The following TFEC variants were observed in gnomAD, a reference collection of about 807,000 sequenced individuals.
The protein encoded by TFEC is transcription factor EC, also known as class E basic helix-loop-helix protein 34.
A neutral mutation model predicts 41.6 loss-of-function variants in TFEC; 31 were observed. That is an observed-to-expected ratio of 0.74 (90% CI 0.56 to 1.01). The LOEUF (loss-of-function observed/expected upper bound fraction) is 1.01. TFEC is among the 50% of genes least tolerant of loss of function. The probability of loss-of-function intolerance (pLI) is 0.00; values close to 1 mark genes in which losing one functional copy is unlikely to be tolerated. For synonymous variants in TFEC, 143 were observed against 140.6 expected (o/e 1.02, Z -0.12); for missense variants, 402 against 404.1 (o/e 0.99, Z 0.04).
At chr7:116,155,992 T>C (rs1373983992) in intron 1 of TFEC, among the ~76,000 whole-genome samples, 2 of 152,186 alleles carry the variant, frequency 1.3e-5, no homozygotes, top group Non-Finnish European at 2.9e-5. Context: ...CATTAATATA[T>C]TATTTATCTT....
At chr7:116,154,013 G>A (rs1003605834) in intron 1 of TFEC, among the ~76,000 whole-genome samples, 1 of 152,208 alleles carries the variant, frequency 6.6e-6, no homozygotes, top group Non-Finnish European at 1.5e-5. Flanking sequence ...AGATGAAATT[G>A]TAAGGAGAGA....
intron 3 of TFEC, among the ~76,000 whole-genome samples, chr7:116,097,942 CAGAG>C (rs2115915035): frequency 6.6e-6 from 1 of 152,132 alleles, no homozygotes; most frequent in African/African-American, 2.4e-5. Flanking sequence ...GAATGAGAAA[CAGAG>C]TGAGTGAACA....
chr7:116,047,755 G>A (rs1336674232), intron 3 of TFEC, among the ~76,000 whole-genome samples: 5 of 152,148 alleles, frequency 3.3e-5, no homozygotes, highest in Admixed American at 2.0e-4. Flanking sequence ...CCGCCCAGTA[G>A]GGGGAAACTG....
intron 3 of TFEC, among the ~76,000 whole-genome samples, chr7:116,072,688 T>C (rs1459683496): frequency 4.0e-5 from 6 of 151,654 alleles, no homozygotes; most frequent in Non-Finnish European, 8.9e-5. Flanking sequence ...TAAGTTTAAA[T>C]TTTTTAAATA....
chr7:115,942,895 T>C (rs1370034302), intron 6 of TFEC, among the ~76,000 whole-genome samples: 6 of 152,034 alleles, frequency 3.9e-5, no homozygotes, highest in Non-Finnish European at 7.4e-5. Flanking sequence ...TCCAAAGTAA[T>C]TGCTAAATGT....
chr7:116,063,696 A>T (rs1211556986), intron 3 of TFEC, among the ~76,000 whole-genome samples: 1 of 152,204 alleles, frequency 6.6e-6, no homozygotes, highest in Non-Finnish European at 1.5e-5. Context: ...ACAGGTGTAT[A>T]CATATATTAA....
At chr7:116,084,803 T>C (rs1260722258) in intron 3 of TFEC, among the ~76,000 whole-genome samples, 1 of 151,906 alleles carries the variant, frequency 6.6e-6, no homozygotes, top group Non-Finnish European at 1.5e-5. Context: ...CAGTAATTGT[T>C]TGAAGGCATC....
chr7:116,133,537 G>GA (rs770772031), intron 1 of TFEC, among the ~76,000 whole-genome samples: 3,589 of 111,888 alleles, frequency 0.032, 138 homozygotes, highest in African/African-American at 0.1. Context: ...CTCTGTCTCA[G>GA]AAAAAAAAAA....
chr7:115,990,760 G>T (rs1374878387), intron 1 of TFEC, among the ~76,000 whole-genome samples: 1 of 152,218 alleles, frequency 6.6e-6, no homozygotes, highest in East Asian at 1.9e-4. Flanking sequence ...TCTGATTGGT[G>T]TACCTGAAAG....
chr7:116,033,384 A>C (rs896989056), upstream of TFEC, among the ~76,000 whole-genome samples: 3 of 152,168 alleles, frequency 2.0e-5, no homozygotes, highest in Non-Finnish European at 4.4e-5. Context: ...TGTAAAACAG[A>C]GAAACTAATA....
rs145186672 is a variant in TFEC, at chr7:116,044,360, TCTTA to T, written c.199-59851_199-59848del. ...GTATTTGATGGGAGTGGGCACGTGC[TCTTA>T]CTACTAACAATAAACCTTTTTATAT... On this transcript the variant is annotated intron_variant, in intron 3 of 8. Coordinates refer to the TFEC transcript ENST00000484212. Among the ~76,000 whole-genome samples, 453 of 152,328 alleles carry T rather than the reference TCTTA, an allele frequency of 3.0e-3. 2 individuals are homozygous for T. The highest frequency in any genetic ancestry group is 0.011 in the African/African-American group (437 of 41,572).
rs920121682 is a variant in TFEC at position 116,065,194 on chromosome 7, T to C, written c.198+45514A>G. Among the ~76,000 whole-genome samples, 3 of 152,124 alleles carry C rather than the reference T, an allele frequency of 2.0e-5. No individual in the cohort carries two copies. The South Asian group carries it at 6.2e-4, about 31-fold the overall frequency. ...AAAGGTATAAAACAGTGCAATATGA[T>C]CATTTTACAATGCAGCTAACAGTCA... is the stretch of plus-strand genomic sequence containing the variant. On this transcript the variant is annotated intron_variant, in intron 3 of 8. Coordinates refer to the TFEC transcript ENST00000484212.
chr7:116,002,085 A>T (rs1328220640), intron 1 of TFEC, among the ~76,000 whole-genome samples: 1 of 152,216 alleles, frequency 6.6e-6, no homozygotes, highest in African/African-American at 2.4e-5. Context: ...TGGGAATGTA[A>T]GTTAGTACAA....
chr7:116,152,588 G>A (rs1450230838), intron 1 of TFEC, among the ~76,000 whole-genome samples: 3 of 152,110 alleles, frequency 2.0e-5, no homozygotes, highest in African/African-American at 7.2e-5. Flanking sequence ...AGCTGGGAAT[G>A]GTTATTTCCA....
chr7:116,146,478 T>C (rs1404935698), intron 1 of TFEC, among the ~76,000 whole-genome samples: 1 of 152,194 alleles, frequency 6.6e-6, no homozygotes, highest in Admixed American at 6.5e-5. Flanking sequence ...TGATCTTCAA[T>C]TCCTAATCAC....
intron 3 of TFEC, among the ~76,000 whole-genome samples, chr7:116,091,893 T>C (rs1034142624): frequency 2.6e-5 from 4 of 151,954 alleles, no homozygotes; most frequent in Admixed American, 2.6e-4. Context: ...TAGTAAGATA[T>C]ATATACTATT....
At chr7:116,087,881 A>C (rs1055572856) in intron 3 of TFEC, among the ~76,000 whole-genome samples, 1 of 152,136 alleles carries the variant, frequency 6.6e-6, no homozygotes, top group Non-Finnish European at 1.5e-5. Context: ...GTAGACTACC[A>C]CATTCTAACT....
intron 1 of TFEC, among the ~76,000 whole-genome samples, chr7:115,997,673 T>C (rs148756431): frequency 3.7e-4 from 56 of 152,134 alleles, no homozygotes; most frequent in Admixed American, 2.9e-3. Flanking sequence ...GAATTCAAAC[T>C]AGATGTTTTG....
intron 3 of TFEC, among the ~76,000 whole-genome samples, chr7:115,967,197 T>C (rs1387596937): frequency 6.6e-6 from 1 of 151,582 alleles, no homozygotes; most frequent in Non-Finnish European, 1.5e-5. Flanking sequence ...TTAGTAGAGA[T>C]AACAAAAGAA....
Sources: gnomAD v4.1 joint callset for allele counts (sites outside exome capture counted in the v4.1 genomes callset) on GRCh38, gnomAD v4.1.1 for gene constraint, MANE v1.5 for transcripts, NCBI Gene and HGNC (gene_info 2026-07-23, HGNC 2026-07-21) for gene names.